Variants in MMS19 observed in about 807,000 individuals in gnomAD.
MMS19 encodes the protein MMS19 cytosolic iron-sulfur assembly component.
In MMS19, 77 loss-of-function variants were observed where a neutral mutation model predicts 129.8. That is an observed-to-expected ratio of 0.59 (90% CI 0.49 to 0.72). MMS19 has a LOEUF of 0.72. Among genes scored for constraint, MMS19 ranks in the 30% least tolerant of loss-of-function variants. The pLI, the probability that MMS19 is intolerant of heterozygous loss-of-function variation, is 0.00. For missense variants in MMS19, 1,168 were observed against 1,266.3 expected (o/e 0.92, Z 1.18); for synonymous variants, 491 against 502.8 (o/e 0.98, Z 0.31).
In MMS19 at chr10:97,482,849, C is replaced by T. The variant is rs574738901; in HGVS notation, c.161+1254G>A. 2.2e-3 allele frequency among the ~76,000 whole-genome samples: 334 copies of T among 152,088 alleles called. 1 individual carries two copies. The highest frequency in any genetic ancestry group is 7.4e-3 in the African/African-American group (307 of 41,492). ...AATCTCAGCTCACTGCAAGCTCCGC[C>T]TCGCGGGTTCACCCCATCCTCCTAC... On this transcript the variant is annotated intron_variant, in intron 2 of 30. Coordinates refer to ENST00000438925, the MANE Select transcript of MMS19 (RefSeq NM_022362.5).
intron 18 of MMS19, 92 bp from the exon 19 acceptor site, chr10:97,464,105 T>G: frequency 4.1e-6 from 5 of 1,205,370 alleles, no homozygotes; most frequent in Middle Eastern, 2.0e-4. Context: ...CAAAGAAGAG[T>G]GACTGAAGGG....
At position 97,468,343 on chromosome 10, in the gene MMS19, T is replaced by C. The variant is rs759925116; in HGVS notation, c.1127A>G (p.Gln376Arg). The C allele has an allele frequency of 1.2e-6, 2 of 1,613,034 alleles. No individual in the cohort carries two copies. Among genetic ancestry groups the C allele is most frequent in the Non-Finnish European group, 8.5e-7 (1 of 1,179,336 alleles). ...CCGGGCAGATGCACCTGCAGCTGCCTGCAACAGCTTGGCACTAGGCCACAC... is the reference window on the plus strand; with the variant it reads ...CCGGGCAGATGCACCTGCAGCTGCCCGCAACAGCTTGGCACTAGGCCACAC... ...KLVWPSAKLLQAAAGASARAC... is the reference protein window; with the variant it reads ...KLVWPSAKLLRAAAGASARAC... Residue 376 changes from glutamine (Q) to arginine (R), a missense_variant, in exon 13 of 31, where the codon CAG becomes CGG. By Grantham distance (43) the Gln-to-Arg change is conservative (BLOSUM62 1). Around this residue, in one of 3 missense-constraint regions of MMS19, gnomAD observed 831 missense variants for 910.8 expected, o/e 0.91. Transcript: ENST00000438925.
At chr10:97,480,651 G>T (rs2036624367) in intron 3 of MMS19, among the ~76,000 whole-genome samples, 1 of 152,004 alleles carries the variant, frequency 6.6e-6, no homozygotes, top group Non-Finnish European at 1.5e-5. Flanking sequence ...GCGTGATCTC[G>T]GCTCACTGCA....
chr10:97,475,611 G>A (rs2861957), intron 8 of MMS19, among the ~76,000 whole-genome samples: 165 of 152,148 alleles, frequency 1.1e-3, no homozygotes, highest in African/African-American at 3.7e-3. Context: ...GGTGGCGGGC[G>A]CCTGTAATCC....
chr10:97,468,629 T>A (rs1223915740), intron 12 of MMS19, among the ~76,000 whole-genome samples: 2 of 152,184 alleles, frequency 1.3e-5, no homozygotes, highest in African/African-American at 4.8e-5. Flanking sequence ...GTTTTTTTTT[T>A]AGAGATGGAG....
chr10:97,469,251 C>T, intron 11 of MMS19, 147 bp from the exon 12 acceptor site: 1 of 1,040,584 alleles, frequency 9.6e-7, no homozygotes, highest in Non-Finnish European at 1.4e-6. Context: ...AGTGTCTTCT[C>T]AATTGGTGTG....
At chr10:97,482,854 G>A (rs1485775165) in intron 2 of MMS19, among the ~76,000 whole-genome samples, 3 of 151,706 alleles carry the variant, frequency 2.0e-5, no homozygotes, top group Non-Finnish European at 4.4e-5. Context: ...TCCGCCTCGC[G>A]GGTTCACCCC....
chr10:97,469,890 T>C (rs1026912916), intron 10 of MMS19, among the ~76,000 whole-genome samples, 167 bp from the exon 11 acceptor site: 2 of 152,200 alleles, frequency 1.3e-5, no homozygotes, highest in Middle Eastern at 3.4e-3. Flanking sequence ...ATAACCCTGG[T>C]TGATAAAATA....
chr10:97,472,687 G>A (rs992375641), intron 8 of MMS19, among the ~76,000 whole-genome samples: 5 of 151,786 alleles, frequency 3.3e-5, no homozygotes, highest in African/African-American at 4.8e-5. Context: ...TTGGCTCAAT[G>A]CAACCTCTGC....
rs778439112 is a variant in MMS19, at chr10:97,481,015, T to G, written c.189A>C (p.Arg63=). The G allele has an allele frequency of 1.7e-5, 27 of 1,608,116 alleles. No individual in the cohort carries two copies. Among genetic ancestry groups the G allele is most frequent in the Non-Finnish European group, 2.2e-5 (26 of 1,176,808 alleles). The change falls in exon 3 of 31, where the codon CGA becomes CGC. Residue 63 remains arginine, a synonymous_variant. Coordinates refer to ENST00000438925, the MANE Select transcript of MMS19 (RefSeq NM_022362.5). ...LGSSLENPEP[R]TRARAIQLLS... The stretch of plus-strand genomic sequence containing the variant: ...AAAGCTGGATTGCTCGTGCCCGAGT[T>G]CGGGGTTCTGGATTCTCTAGAGAGG...
At chr10:97,459,185 A>G in intron 29 of MMS19, 38 bp downstream of exon 29, 1 of 1,590,856 alleles carries the variant, frequency 6.3e-7, no homozygotes. Context: ...GTCTCTTGAG[A>G]TGTTCCCAGG....
At position 97,462,137 on chromosome 10, in the gene MMS19, G is replaced by C. The variant is rs761731284; in HGVS notation, c.2013-18C>G. ...CAGCTAACCTGGGGGCAGAGTACTAGGTATGACCAAGGAGCTAGGATTCTA... is the reference window on the plus strand; with the variant it reads ...CAGCTAACCTGGGGGCAGAGTACTACGTATGACCAAGGAGCTAGGATTCTA... On this transcript the variant is annotated intron_variant, in intron 20 of 30. Transcript: ENST00000438925. The C allele has an allele frequency of 3.3e-6, 5 of 1,537,944 alleles. No individual in the cohort carries two copies. The highest frequency in any genetic ancestry group is 4.4e-6 in the Non-Finnish European group (5 of 1,131,208).
At position 97,458,583 on chromosome 10, in the gene MMS19, G is replaced by A. The variant is rs2030527713; in HGVS notation, c.*109C>T. ...GAGGCCTAGCATTTGTGCTGTGTCTGTGGGAAAGGCAGTCAGAGACCAGTG... is the reference window on the plus strand; with the variant it reads ...GAGGCCTAGCATTTGTGCTGTGTCTATGGGAAAGGCAGTCAGAGACCAGTG... On this transcript the variant is annotated 3_prime_UTR_variant, in exon 31 of 31. Transcript: ENST00000438925. 9.1e-6 allele frequency: 10 copies of A among 1,097,572 alleles called. No individual in the cohort carries two copies. Among genetic ancestry groups the A allele is most frequent in the Admixed American group, 2.5e-5 (1 of 39,758 alleles). The allele number at this position is 1,097,572 out of a possible 1,614,324, so 68.0% of individuals were successfully genotyped here. A position where few individuals can be genotyped will look rare whatever the true frequency, so the allele number is the denominator to read the frequency against.
chr10:97,488,377 T>G (rs950276764), intron 1 of MMS19, among the ~76,000 whole-genome samples: 1 of 152,196 alleles, frequency 6.6e-6, no homozygotes, highest in African/African-American at 2.4e-5. Context: ...GAGGGCAATA[T>G]AACATCTTTA....
intron 1 of MMS19, among the ~76,000 whole-genome samples, chr10:97,485,546 C>T (rs190540632): frequency 1.3e-3 from 204 of 152,158 alleles, no homozygotes; most frequent in African/African-American, 4.6e-3. Context: ...CTCCTGACCT[C>T]GTGATCCGCC....
Position 97,474,000 on chromosome 10 carries a change from C to T in MMS19, c.684+2683G>A, listed in dbSNP as rs547708307. Among the ~76,000 whole-genome samples, 3 of 151,716 alleles carry T rather than the reference C, an allele frequency of 2.0e-5. No individual in the cohort carries two copies. In the South Asian group the frequency reaches 6.3e-4, roughly 32 times the overall value. Reference sequence around the variant, plus strand: ...TCTATAGAAAAATACAACAATTAGTCGGGAGTAGTGTCATGTGCCTATGGT... The same window carrying T: ...TCTATAGAAAAATACAACAATTAGTTGGGAGTAGTGTCATGTGCCTATGGT... On this transcript the variant is annotated intron_variant, in intron 8 of 30. Coordinates refer to ENST00000438925, the MANE Select transcript of MMS19 (RefSeq NM_022362.5).
At position 97,461,850 on chromosome 10, in the gene MMS19, A is replaced by G. The variant is rs1297384010; in HGVS notation, c.2162T>C (p.Phe721Ser). 1 of 1,609,958 alleles carries G rather than the reference A, an allele frequency of 6.2e-7. No individual in the cohort carries two copies. The highest frequency in any genetic ancestry group is 1.7e-5 in the Admixed American group (1 of 59,444). ...QRRLIALLMAFVCSLPRNVEI... is the reference protein window; with the variant it reads ...QRRLIALLMASVCSLPRNVEI... Reference sequence around the variant, plus strand: ...TACATTTCGAGGCAGGGAGCAGACAAAGGCCATAAGCAGTGCAATCAGCCG... The same window carrying G: ...TACATTTCGAGGCAGGGAGCAGACAGAGGCCATAAGCAGTGCAATCAGCCG... Residue 721 changes from phenylalanine (F) to serine (S), a missense_variant, in exon 22 of 31, where the codon TTT (phenylalanine) becomes TCT (serine). By Grantham distance (155) the Phe-to-Ser change is radical. This residue lies in a region of MMS19 where 831 missense variants were observed against 910.8 expected (regional missense o/e 0.91). Coordinates refer to ENST00000438925, the MANE Select transcript of MMS19 (RefSeq NM_022362.5).
intron 3 of MMS19, 160 bp downstream of exon 3, chr10:97,480,782 A>G: frequency 1.5e-6 from 1 of 646,456 alleles, no homozygotes; most frequent in Admixed American, 2.6e-5. Context: ...CTCAATTCTA[A>G]TCATCTCTGC....
At chr10:97,462,829 C>A in intron 19 of MMS19, 147 bp from the exon 20 acceptor site, 1 of 659,722 alleles carries the variant, frequency 1.5e-6, no homozygotes, top group Non-Finnish European at 2.7e-6. Context: ...GTGCTATAGT[C>A]CTGAGAATCA....
Sources: allele counts gnomAD v4.1 joint callset (sites outside exome capture counted in the v4.1 genomes callset), GRCh38; gene constraint gnomAD v4.1.1; regional missense constraint gnomAD v4.1.1; transcripts MANE v1.5; gene names NCBI Gene and HGNC (gene_info 2026-07-23, HGNC 2026-07-21).